The following NTM variants were observed in gnomAD, a reference collection of about 807,000 sequenced individuals.
The protein encoded by NTM is neurotrimin, also known as IgLON family member 2.
NTM carries 13 observed loss-of-function variants against 42.1 expected under a neutral mutation model. The ratio of observed to expected loss-of-function variants is 0.31; its 90% CI spans 0.20 to 0.49. NTM has a LOEUF of 0.49. Ranked by LOEUF, NTM falls within the 20% of genes least tolerant of loss-of-function variation. The pLI is 0.99. For synonymous variants in NTM, 187 were observed against 179.2 expected (o/e 1.04, Z -0.35); for missense variants, 373 against 452.8 (o/e 0.82, Z 1.60).
At chr11:131,847,814 A>T (rs980342359) in intron 1 of NTM, among the ~76,000 whole-genome samples, 2 of 152,232 alleles carry the variant, frequency 1.3e-5, no homozygotes, top group African/African-American at 4.8e-5. Context: ...AGACATGCAT[A>T]TAAGGAAGTC....
At chr11:131,772,881 T>C (rs1403932817) in intron 1 of NTM, among the ~76,000 whole-genome samples, 1 of 152,172 alleles carries the variant, frequency 6.6e-6, no homozygotes, top group African/African-American at 2.4e-5. Context: ...GGTGGAAATA[T>C]GATAGAGAGG....
chr11:132,307,155 T>G (rs2095117005), intron 4 of NTM, among the ~76,000 whole-genome samples: 1 of 152,192 alleles, frequency 6.6e-6, no homozygotes, highest in Admixed American at 6.5e-5. Context: ...ATTAATTGTC[T>G]GAGTCAAAAA....
chr11:131,435,371 TACCTTGGGCAGTATGGCC>T (rs1286234930), intron 1 of NTM, among the ~76,000 whole-genome samples: 4 of 152,240 alleles, frequency 2.6e-5, no homozygotes, highest in African/African-American at 9.6e-5. Context: ...ATCTATAAAT[TACCTTGGGCAGTATGGCC>T]ATTTTCACAA....
At chr11:131,939,385 T>G (rs1191254170) in intron 2 of NTM, among the ~76,000 whole-genome samples, 1 of 152,070 alleles carries the variant, frequency 6.6e-6, no homozygotes, top group Admixed American at 6.6e-5. Flanking sequence ...CTTGAGGATT[T>G]TGGCAAGAGA....
chr11:131,481,714 C>T (rs1383607004), intron 1 of NTM, among the ~76,000 whole-genome samples: 1 of 152,204 alleles, frequency 6.6e-6, no homozygotes, highest in East Asian at 1.9e-4. Context: ...TCCTCTTGGC[C>T]TCCCCTTACC....
intron 1 of NTM, among the ~76,000 whole-genome samples, chr11:131,803,556 C>T (rs531050228): frequency 6.6e-6 from 1 of 152,332 alleles, no homozygotes; most frequent in African/African-American, 2.4e-5. Flanking sequence ...GCAATCCGCC[C>T]ACGTTGGCCT....
At chr11:132,086,313 G>A (rs1425332025) in intron 2 of NTM, among the ~76,000 whole-genome samples, 9 of 104,850 alleles carry the variant, frequency 8.6e-5, no homozygotes, top group African/African-American at 1.3e-4. Context: ...GACAGAGCAA[G>A]ACTCCATGTC....
chr11:131,902,794 C>A (rs557260621), intron 1 of NTM, among the ~76,000 whole-genome samples: 2 of 152,348 alleles, frequency 1.3e-5, no homozygotes, highest in South Asian at 4.1e-4. Context: ...TACCCAATTA[C>A]ACTCTTGCTG....
chr11:131,745,946 TTC>T (rs893281025), intron 1 of NTM, among the ~76,000 whole-genome samples: 4 of 152,186 alleles, frequency 2.6e-5, no homozygotes, highest in Admixed American at 2.6e-4. Context: ...AATATGCTCA[TTC>T]TCCAGCCTGT....
rs181236171 is a variant in NTM at position 132,276,541 on chromosome 11, A to G, written c.527-31148A>G. On this transcript the variant is annotated intron_variant, in intron 4 of 8. Transcript: ENST00000683400. ...GGCTTACTGTGCATAGAATGATCAC[A>G]CAAAAATTGTGGTTCATGCTGACAC... Among the ~76,000 whole-genome samples the G allele has an allele frequency of 9.2e-5, 14 of 152,338 alleles. No homozygotes were observed. The South Asian group carries it at 1.4e-3, about 16-fold the overall frequency.
At chr11:131,664,577 C>A (rs1429624162) in intron 1 of NTM, among the ~76,000 whole-genome samples, 1 of 152,070 alleles carries the variant, frequency 6.6e-6, no homozygotes, top group Admixed American at 6.5e-5. Context: ...ATCCCCAGTG[C>A]CAGGTACCAA....
chr11:131,816,714 G>T (rs1401748866), intron 1 of NTM, among the ~76,000 whole-genome samples: 1 of 152,094 alleles, frequency 6.6e-6, no homozygotes, highest in African/African-American at 2.4e-5. Flanking sequence ...AGGTTTTAGA[G>T]GCGAAGTGTT....
intron 1 of NTM, among the ~76,000 whole-genome samples, chr11:131,600,290 A>G (rs2060362032): frequency 6.6e-6 from 1 of 152,238 alleles, no homozygotes; most frequent in Non-Finnish European, 1.5e-5. Flanking sequence ...CACAGGATGA[A>G]TAATAGAAAA....
intron 1 of NTM, among the ~76,000 whole-genome samples, chr11:131,804,807 T>G (rs1276421172): frequency 2.6e-5 from 4 of 152,146 alleles, no homozygotes; most frequent in Admixed American, 6.5e-5. Context: ...GGGAAGTGAT[T>G]AAGTCATGAA....
At chr11:131,458,786 G>A (rs1483053639) in intron 1 of NTM, among the ~76,000 whole-genome samples, 1 of 152,228 alleles carries the variant, frequency 6.6e-6, no homozygotes. Flanking sequence ...GCAATGGTTT[G>A]CAAACTTAGT....
chr11:132,130,590 A>G (rs1434632833), intron 2 of NTM, among the ~76,000 whole-genome samples: 1 of 152,176 alleles, frequency 6.6e-6, no homozygotes, highest in East Asian at 1.9e-4. Flanking sequence ...GTTTGCATGT[A>G]TCGTATTTTA....
chr11:131,795,605 T>A (rs7109789), intron 1 of NTM: 1 of 985,266 alleles, frequency 1.0e-6, no homozygotes, highest in African/African-American at 1.7e-5. Context: ...TCCCACAGAG[T>A]CATGGGAGAC....
chr11:131,740,565 A>G (rs1240474641), intron 1 of NTM, among the ~76,000 whole-genome samples: 2 of 151,064 alleles, frequency 1.3e-5, no homozygotes, highest in African/African-American at 4.9e-5. Flanking sequence ...ATTTTCTTCA[A>G]TTTTTTTTCT....
At chr11:132,314,178 C>CCAT (rs3028804) in intron 6 of NTM, among the ~76,000 whole-genome samples, 5 of 151,206 alleles carry the variant, frequency 3.3e-5, no homozygotes, top group Non-Finnish European at 7.4e-5. Context: ...ATCACCATCA[C>CCAT]CATCATCATC....
Sources: allele counts gnomAD v4.1 joint callset (sites outside exome capture counted in the v4.1 genomes callset), GRCh38; gene constraint gnomAD v4.1.1; transcripts MANE v1.5; gene names NCBI Gene and HGNC (gene_info 2026-07-23, HGNC 2026-07-21).